PIK3C2G: variants seen among roughly 807,000 people sequenced by gnomAD.
PIK3C2G encodes the protein phosphatidylinositol 3-kinase C2 domain-containing subunit gamma.
Under a neutral mutation model 181.1 loss-of-function variants are expected in PIK3C2G, and 168 were observed. That is an observed-to-expected ratio of 0.93 (90% CI 0.82 to 1.05). The LOEUF (loss-of-function observed/expected upper bound fraction) is 1.05. PIK3C2G is among the 50% of genes least tolerant of loss of function. PIK3C2G has a pLI of 0.00. For synonymous variants in PIK3C2G, 573 were observed against 592.2 expected (o/e 0.97, Z 0.47); for missense variants, 1,869 against 1,732.8 (o/e 1.08, Z -1.40).
At chr12:18,427,748 G>A (rs1345231122) in intron 18 of PIK3C2G, among the ~76,000 whole-genome samples, 1 of 151,942 alleles carries the variant, frequency 6.6e-6, no homozygotes, top group Non-Finnish European at 1.5e-5. Flanking sequence ...AAGGTTGGAA[G>A]GGAAGCTTTT....
rs146273077 is a variant in PIK3C2G at position 18,525,920 on chromosome 12, C to T, written c.3324-12236C>T. ...CAGTCTTATCACAACGTTGTTTAAA[C>T]ACTCTATAAGTTTTATCCCAATAGA... On this transcript the variant is annotated intron_variant, in intron 24 of 32. Transcript: ENST00000538779. Among the ~76,000 whole-genome samples, 1,051 of 152,264 alleles carry T rather than the reference C, an allele frequency of 6.9e-3. 11 individuals are homozygous for T. The highest frequency in any genetic ancestry group is 0.024 in the African/African-American group (1,014 of 41,538).
chr12:18,570,102 C>T (rs1945846907), intron 29 of PIK3C2G, among the ~76,000 whole-genome samples: 1 of 152,148 alleles, frequency 6.6e-6, no homozygotes, highest in Admixed American at 6.5e-5. Context: ...ACCTCAATGT[C>T]ATAAATGTGT....
intron 24 of PIK3C2G, among the ~76,000 whole-genome samples, chr12:18,513,841 A>T (rs981896158): frequency 6.6e-5 from 10 of 151,408 alleles, no homozygotes; most frequent in Non-Finnish European, 1.3e-4. Flanking sequence ...TTTAGTGCTT[A>T]TTTCGTTAAT....
upstream of PIK3C2G, among the ~76,000 whole-genome samples, chr12:18,246,812 C>T (rs1471092509): frequency 6.6e-6 from 1 of 152,132 alleles, no homozygotes; most frequent in Non-Finnish European, 1.5e-5. Context: ...GACAACCTCT[C>T]CTCACCAGTA....
intron 11 of PIK3C2G, among the ~76,000 whole-genome samples, chr12:18,348,468 T>C (rs1939897533): frequency 1.3e-5 from 2 of 152,066 alleles, no homozygotes; most frequent in East Asian, 1.9e-4. Flanking sequence ...TATGTACATA[T>C]AATTATAAAT....
chr12:18,667,455 A>T, the PIK3C2G span, among the ~76,000 whole-genome samples: 2 of 152,186 alleles, frequency 1.3e-5, no homozygotes, highest in African/African-American at 4.8e-5. Context: ...GTCTTTGACA[A>T]CACTAAGTAC....
At chr12:18,396,144 TACAGGA>T (rs1304885569) in intron 15 of PIK3C2G, among the ~76,000 whole-genome samples, 4 of 151,614 alleles carry the variant, frequency 2.6e-5, no homozygotes, top group African/African-American at 9.7e-5. Flanking sequence ...TTATTCTGTT[TACAGGA>T]ACATGTATAT....
At chr12:18,451,075 C>T (rs1404525252) in intron 18 of PIK3C2G, among the ~76,000 whole-genome samples, 1 of 152,100 alleles carries the variant, frequency 6.6e-6, no homozygotes, top group African/African-American at 2.4e-5. Context: ...TTTTTGGTTC[C>T]ATATGAAATT....
intron 31 of PIK3C2G, among the ~76,000 whole-genome samples, chr12:18,634,736 G>T (rs1426553779): frequency 6.6e-6 from 1 of 152,166 alleles, no homozygotes; most frequent in African/African-American, 2.4e-5. Flanking sequence ...AACCCACTGG[G>T]CAATGACAGG....
At chr12:18,612,703 C>G (rs144502841) in intron 31 of PIK3C2G, among the ~76,000 whole-genome samples, 2 of 152,004 alleles carry the variant, frequency 1.3e-5, no homozygotes, top group Non-Finnish European at 2.9e-5. Context: ...TGTTATTTGT[C>G]GATCCTTTAG....
At chr12:18,421,978 G>T (rs979046899) in intron 17 of PIK3C2G, among the ~76,000 whole-genome samples, 1 of 152,046 alleles carries the variant, frequency 6.6e-6, no homozygotes, top group Non-Finnish European at 1.5e-5. Context: ...AGTCTTTCTT[G>T]AAAATAAGGG....
intron 30 of PIK3C2G, among the ~76,000 whole-genome samples, chr12:18,603,844 T>C (rs2136555801): frequency 6.6e-6 from 1 of 152,118 alleles, no homozygotes; most frequent in African/African-American, 2.4e-5. Flanking sequence ...CATTACCAAA[T>C]CACTACCACA....
chr12:18,370,333 A>C (rs968969464), intron 12 of PIK3C2G, among the ~76,000 whole-genome samples: 1 of 152,178 alleles, frequency 6.6e-6, no homozygotes, highest in Non-Finnish European at 1.5e-5. Context: ...CATCATTAAA[A>C]ATCCTGTGTC....
chr12:18,418,569 A>G (rs1201505314), intron 16 of PIK3C2G, among the ~76,000 whole-genome samples: 1 of 152,156 alleles, frequency 6.6e-6, no homozygotes, highest in East Asian at 1.9e-4. Context: ...TTGATAAGGT[A>G]TTACTATTAA....
chr12:18,559,486 A>G (rs934293099), intron 26 of PIK3C2G, among the ~76,000 whole-genome samples: 1 of 152,036 alleles, frequency 6.6e-6, no homozygotes, highest in African/African-American at 2.4e-5. Flanking sequence ...GAAGCTGAGC[A>G]GGCTAATTTG....
At chr12:18,572,887 G>C (rs1039053148) in intron 29 of PIK3C2G, among the ~76,000 whole-genome samples, 1 of 151,934 alleles carries the variant, frequency 6.6e-6, no homozygotes, top group Non-Finnish European at 1.5e-5. Context: ...CATTCTTTGA[G>C]TTCTTAATTT....
At chr12:18,389,994 C>T (rs1943438110) in intron 14 of PIK3C2G, among the ~76,000 whole-genome samples, 1 of 152,160 alleles carries the variant, frequency 6.6e-6, no homozygotes, top group African/African-American at 2.4e-5. Context: ...GGATGCCCTT[C>T]CCCTCTAAGG....
chr12:18,457,413 T>TA (rs1336813997), intron 18 of PIK3C2G, among the ~76,000 whole-genome samples: 1 of 152,202 alleles, frequency 6.6e-6, no homozygotes, highest in Non-Finnish European at 1.5e-5. Context: ...CAGAAAATTA[T>TA]ATTGTCTTGT....
chr12:18,557,796 C>G (rs1300648509), intron 26 of PIK3C2G, among the ~76,000 whole-genome samples: 2 of 152,130 alleles, frequency 1.3e-5, no homozygotes, highest in Non-Finnish European at 2.9e-5. Context: ...TACAAGATAG[C>G]ATTTATGCCA....
Sources: allele counts gnomAD v4.1 joint callset (sites outside exome capture counted in the v4.1 genomes callset), GRCh38; gene constraint gnomAD v4.1.1; transcripts MANE v1.5; gene names NCBI Gene and HGNC (gene_info 2026-07-23, HGNC 2026-07-21).